Variants in ME1 observed in about 807,000 individuals in gnomAD.
ME1 encodes malic enzyme 1.
ME1 carries 74 observed loss-of-function variants against 66.4 expected under a neutral mutation model. That is an observed-to-expected ratio of 1.11 (90% CI 0.92 to 1.35). ME1 has a LOEUF of 1.35. ME1 is among the 40% of genes most tolerant of loss of function. The probability of loss-of-function intolerance (pLI) is 0.00; values close to 1 mark genes in which losing one functional copy is unlikely to be tolerated. For missense variants in ME1, 750 were observed against 694.1 expected, an observed-to-expected ratio of 1.08 and a Z score of -0.90; for synonymous variants, 251 against 235.6, an observed-to-expected ratio of 1.07 and a Z score of -0.60.
At chr6:83,306,135 T>A (rs1210505619) in intron 6 of ME1, among the ~76,000 whole-genome samples, 1 of 152,138 alleles carries the variant, frequency 6.6e-6, no homozygotes, top group Non-Finnish European at 1.5e-5. Flanking sequence ...GGAAATCATA[T>A]TGAATCTTCT....
At chr6:83,288,535 C>T (rs1767439565) in intron 6 of ME1, among the ~76,000 whole-genome samples, 1 of 152,104 alleles carries the variant, frequency 6.6e-6, no homozygotes, top group Non-Finnish European at 1.5e-5. Flanking sequence ...GGTACCAGTA[C>T]CATGCTGTTT....
At chr6:83,278,531 T>C (rs1389358968) in intron 6 of ME1, among the ~76,000 whole-genome samples, 1 of 152,148 alleles carries the variant, frequency 6.6e-6, no homozygotes, top group Non-Finnish European at 1.5e-5. Flanking sequence ...AACCTAGAAC[T>C]CCTGGGCTCA....
chr6:83,406,218 G>A (rs1293004467), intron 2 of ME1, among the ~76,000 whole-genome samples: 4 of 152,152 alleles, frequency 2.6e-5, no homozygotes, highest in Non-Finnish European at 5.9e-5. Flanking sequence ...ATGTGCTGCT[G>A]GATTCGGTTT....
chr6:83,344,327 A>C (rs1768646508), intron 5 of ME1, among the ~76,000 whole-genome samples: 1 of 149,496 alleles, frequency 6.7e-6, no homozygotes, highest in African/African-American at 2.5e-5. Context: ...ACATTTTTGC[A>C]TGTCTGTTTT....
At chr6:83,319,965 C>T (rs912548103) in intron 5 of ME1, among the ~76,000 whole-genome samples, 2 of 152,266 alleles carry the variant, frequency 1.3e-5, no homozygotes, top group African/African-American at 2.4e-5. Flanking sequence ...ACCCAAGAAA[C>T]CTCATTTGCA....
intron 3 of ME1, among the ~76,000 whole-genome samples, chr6:83,396,250 G>A (rs1223410695): frequency 2.0e-5 from 3 of 152,022 alleles, no homozygotes; most frequent in African/African-American, 7.2e-5. Context: ...TGTAATCCCA[G>A]CTACTCAGGA....
intron 9 of ME1, among the ~76,000 whole-genome samples, chr6:83,232,435 G>A (rs1238288140): frequency 1.3e-5 from 2 of 152,148 alleles, no homozygotes; most frequent in African/African-American, 4.8e-5. Flanking sequence ...TGTTTTTAAT[G>A]TAAGATAGTA....
At chr6:83,341,994 G>A (rs965725922) in intron 5 of ME1, among the ~76,000 whole-genome samples, 2 of 152,094 alleles carry the variant, frequency 1.3e-5, no homozygotes, top group Admixed American at 6.5e-5. Context: ...TGCACAGAAG[G>A]GCAGCTTTGT....
chr6:83,241,123 A>T (rs1265038537), intron 7 of ME1, among the ~76,000 whole-genome samples: 2 of 152,150 alleles, frequency 1.3e-5, no homozygotes, highest in Non-Finnish European at 2.9e-5. Flanking sequence ...AGATATATTC[A>T]CTAGAGTCAT....
At chr6:83,406,938 C>T (rs970756103) in intron 2 of ME1, among the ~76,000 whole-genome samples, 2 of 150,316 alleles carry the variant, frequency 1.3e-5, no homozygotes, top group Non-Finnish European at 2.9e-5. Flanking sequence ...CCTTCTTTCT[C>T]CCTCTATCCA....
intron 3 of ME1, among the ~76,000 whole-genome samples, chr6:83,357,337 G>T (rs1768909472): frequency 6.6e-6 from 1 of 152,186 alleles, no homozygotes; most frequent in African/African-American, 2.4e-5. Flanking sequence ...AACTCTGTAA[G>T]TATACTGTTT....
At chr6:83,412,185 T>G (rs1049425177) in intron 1 of ME1, among the ~76,000 whole-genome samples, 4 of 152,154 alleles carry the variant, frequency 2.6e-5, no homozygotes, top group African/African-American at 9.7e-5. Context: ...CCTTAATATT[T>G]CCAATGAATG....
chr6:83,277,251 T>A (rs1037135835), intron 6 of ME1, among the ~76,000 whole-genome samples: 1 of 152,254 alleles, frequency 6.6e-6, no homozygotes. Flanking sequence ...TCATATTCAC[T>A]GTCTATAAGT....
chr6:83,418,319 G>A lies in ME1; in HGVS notation c.79-10418C>T, dbSNP rs146016811. Among the ~76,000 whole-genome samples, 1,233 of 152,274 alleles carry A rather than the reference G, an allele frequency of 8.1e-3. 13 individuals carry two copies. Among genetic ancestry groups the A allele is most frequent in the African/African-American group, 0.027 (1,112 of 41,528 alleles). ...AGCTAGAGACCCAAGAGAGCCAATG[G>A]TAATGGTGTAGATCCAGTCTGAAAG... On this transcript the variant is annotated intron_variant, in intron 1 of 13. Transcript: ENST00000369705.
intron 6 of ME1, among the ~76,000 whole-genome samples, chr6:83,291,218 T>C (rs1402769329): frequency 6.6e-6 from 1 of 152,246 alleles, no homozygotes; most frequent in African/African-American, 2.4e-5. Context: ...TTAGCATTGA[T>C]GGTCTTTACA....
At chr6:83,239,387 T>C (rs1790470491) in intron 8 of ME1, 152 bp downstream of exon 8, 2 of 494,238 alleles carry the variant, frequency 4.0e-6, no homozygotes, top group Non-Finnish European at 7.3e-6. Context: ...ATAATTAATA[T>C]GTCTCAGTAC....
In ME1 at chr6:83,356,670, T is replaced by C. The variant is rs772954154; in HGVS notation, c.363-4531A>G. Among the ~76,000 whole-genome samples, 8 of 152,302 alleles carry C rather than the reference T, an allele frequency of 5.3e-5. 1 individual carries two copies. The South Asian group carries it at 1.7e-3, about 32-fold the overall frequency. ...AAAGGAAGTCAAGGGGAAAAAATGT[T>C]AAGAAAGCACAGATCAATATGATCA... On this transcript the variant is annotated intron_variant, in intron 3 of 13. Transcript: ENST00000369705.
At chr6:83,396,416 C>T (rs1007261470) in intron 3 of ME1, among the ~76,000 whole-genome samples, 2 of 151,690 alleles carry the variant, frequency 1.3e-5, no homozygotes, top group African/African-American at 4.8e-5. Context: ...TAAATTTAAC[C>T]AAAGAGGTGA....
In ME1 at chr6:83,390,851, C is replaced by T. The variant is rs1374877047; in HGVS notation, c.362+7516G>A. On this transcript the variant is annotated intron_variant, in intron 3 of 13. Coordinates refer to ENST00000369705, the MANE Select transcript of ME1 (RefSeq NM_002395.6). ...TTCCCCATTTCTTCCTCTCCCCCTC[C>T]CCAGCCACCCATCTCTCTCTATATA... Among the ~76,000 whole-genome samples, 3 of 150,366 alleles carry T rather than the reference C, an allele frequency of 2.0e-5. No homozygotes were observed. In the East Asian group the frequency reaches 5.8e-4, roughly 29 times the overall value.
Sources: allele counts gnomAD v4.1 joint callset (sites outside exome capture counted in the v4.1 genomes callset), GRCh38; gene constraint gnomAD v4.1.1; transcripts MANE v1.5; gene names NCBI Gene and HGNC (gene_info 2026-07-23, HGNC 2026-07-21).